TMPRSS11A: variants seen among roughly 807,000 people sequenced by gnomAD.
TMPRSS11A encodes the protein transmembrane serine protease 11A, also known as transmembrane protease serine 11A.
Under a neutral mutation model 58.9 loss-of-function variants are expected in TMPRSS11A, and 53 were observed. The ratio of observed to expected loss-of-function variants is 0.90; its 90% CI spans 0.72 to 1.13. TMPRSS11A has a LOEUF of 1.13. TMPRSS11A is among the 50% of genes most tolerant of loss of function. The pLI is 0.00. For missense variants in TMPRSS11A, 493 were observed against 499.3 expected (o/e 0.99, Z 0.12); for synonymous variants, 167 against 169.8 (o/e 0.98, Z 0.13).
intron 7 of TMPRSS11A, among the ~76,000 whole-genome samples, chr4:67,919,634 A>G (rs997261020): frequency 3.3e-5 from 5 of 152,248 alleles, no homozygotes; most frequent in Non-Finnish European, 5.9e-5. Context: ...GCAAGCAAAC[A>G]AATAGATAAA....
chr4:67,959,922 C>G (rs1721383458), intron 1 of TMPRSS11A, among the ~76,000 whole-genome samples: 1 of 152,148 alleles, frequency 6.6e-6, no homozygotes, highest in Admixed American at 6.5e-5. Flanking sequence ...AGCCTAGGTG[C>G]CCATCAATAG....
At chr4:67,933,381 C>T (rs553728609) in intron 3 of TMPRSS11A, among the ~76,000 whole-genome samples, 111 of 152,246 alleles carry the variant, frequency 7.3e-4, no homozygotes, top group South Asian at 1.7e-3. Flanking sequence ...GTAGGGTCCG[C>T]CTCTTCCCAC....
At chr4:67,938,792 T>C (rs1720811481) in intron 3 of TMPRSS11A, among the ~76,000 whole-genome samples, 1 of 152,172 alleles carries the variant, frequency 6.6e-6, no homozygotes, top group Admixed American at 6.5e-5. Flanking sequence ...ACCAATGCCA[T>C]TCTGTTTTGA....
intron 3 of TMPRSS11A, among the ~76,000 whole-genome samples, chr4:67,935,121 A>C (rs1467369657): frequency 6.6e-6 from 1 of 152,200 alleles, no homozygotes; most frequent in Non-Finnish European, 1.5e-5. Flanking sequence ...TTAGCCTTAA[A>C]TAAAGCTTCA....
chr4:67,955,514 C>G (rs1385103991), intron 1 of TMPRSS11A, among the ~76,000 whole-genome samples: 1 of 152,184 alleles, frequency 6.6e-6, no homozygotes, highest in African/African-American at 2.4e-5. Context: ...TATTCAAATG[C>G]CTGTGTCAGG....
At chr4:67,962,621 T>C (rs981502442) in intron 1 of TMPRSS11A, among the ~76,000 whole-genome samples, 2 of 152,178 alleles carry the variant, frequency 1.3e-5, no homozygotes, top group Non-Finnish European at 2.9e-5. Context: ...ATAACATACA[T>C]AAAGATGTTT....
chr4:67,922,109 G>A (rs1720345959), intron 7 of TMPRSS11A, among the ~76,000 whole-genome samples: 1 of 152,188 alleles, frequency 6.6e-6, no homozygotes, highest in African/African-American at 2.4e-5. Context: ...CTATTGTGAA[G>A]AGATGCTCTA....
Position 67,944,379 on chromosome 4 carries a change from T to C in TMPRSS11A, c.252+140A>G, listed in dbSNP as rs369994123. The C allele has an allele frequency of 4.1e-5, 38 of 933,058 alleles. No homozygotes were observed. In the African/African-American group the frequency reaches 5.4e-4, roughly 13 times the overall value. The allele number at this position is 933,058 out of a possible 1,614,324, so 57.8% of individuals were successfully genotyped here. On this transcript the variant is annotated intron_variant, in intron 3 of 9. Coordinates refer to ENST00000508048, the MANE Select transcript of TMPRSS11A (RefSeq NM_001114387.2). ...TCTCATCATACTCTGATTAAGCAGG[T>C]CTGGGATGGGGCCTAGCAATCTGCA...
At chr4:67,937,612 C>T (rs1720782562) in intron 3 of TMPRSS11A, among the ~76,000 whole-genome samples, 2 of 152,144 alleles carry the variant, frequency 1.3e-5, no homozygotes, top group South Asian at 4.1e-4. Flanking sequence ...CCATCATTTT[C>T]CAGCTATGGA....
chr4:67,958,375 A>G (rs529430668), intron 1 of TMPRSS11A, among the ~76,000 whole-genome samples: 2 of 152,356 alleles, frequency 1.3e-5, no homozygotes, highest in South Asian at 2.1e-4. Flanking sequence ...GCCCAAGGCC[A>G]TGGGAACCCA....
intron 4 of TMPRSS11A, among the ~76,000 whole-genome samples, chr4:67,931,616 G>T (rs1387495498): frequency 6.6e-6 from 1 of 152,154 alleles, no homozygotes; most frequent in Non-Finnish European, 1.5e-5. Context: ...GCTTAACGTG[G>T]TTGAAATAAT....
At chr4:67,918,621 G>A (rs1431418427) in intron 8 of TMPRSS11A, among the ~76,000 whole-genome samples, 2 of 152,120 alleles carry the variant, frequency 1.3e-5, no homozygotes, top group African/African-American at 4.8e-5. Flanking sequence ...CTGACACTAG[G>A]TGAAGCTAGC....
At chr4:67,945,330 AC>A (rs1159760807) in intron 2 of TMPRSS11A, among the ~76,000 whole-genome samples, 1 of 152,190 alleles carries the variant, frequency 6.6e-6, no homozygotes, top group Non-Finnish European at 1.5e-5. Flanking sequence ...TGGGAAAAAT[AC>A]AAAACAACCT....
chr4:67,957,253 C>A (rs577789059), intron 1 of TMPRSS11A, among the ~76,000 whole-genome samples: 1 of 152,114 alleles, frequency 6.6e-6, no homozygotes, highest in Non-Finnish European at 1.5e-5. Context: ...AACTTTGGAA[C>A]TGGGTAATAT....
intron 3 of TMPRSS11A, among the ~76,000 whole-genome samples, chr4:67,934,114 C>A (rs867257713): frequency 6.6e-6 from 1 of 152,160 alleles, no homozygotes; most frequent in Middle Eastern, 3.4e-3. Flanking sequence ...AAAAAGGATC[C>A]TTCTTTATAA....
At chr4:67,914,511 T>C in intron 9 of TMPRSS11A, 77 bp downstream of exon 9, 1 of 1,360,874 alleles carries the variant, frequency 7.3e-7, no homozygotes, top group Non-Finnish European at 1.0e-6. Context: ...TTTGTCCTTA[T>C]GTAAAGAACA....
chr4:67,960,851 T>C, intron 1 of TMPRSS11A, among the ~76,000 whole-genome samples: 1 of 152,242 alleles, frequency 6.6e-6, no homozygotes, highest in East Asian at 1.9e-4. Flanking sequence ...TCTGATTTTT[T>C]GCATTTATTA....
At chr4:67,953,187 C>G (rs1166521224) in intron 1 of TMPRSS11A, among the ~76,000 whole-genome samples, 1 of 152,162 alleles carries the variant, frequency 6.6e-6, no homozygotes, top group Non-Finnish European at 1.5e-5. Flanking sequence ...TGCTCACCTC[C>G]TGCTGTGCTG....
chr4:67,960,916 C>G (rs1029660592), intron 1 of TMPRSS11A, among the ~76,000 whole-genome samples: 8 of 152,286 alleles, frequency 5.3e-5, no homozygotes, highest in Non-Finnish European at 1.2e-4. Context: ...CTTCTGGGAA[C>G]AGGATAAGAA....
Sources: allele counts gnomAD v4.1 joint callset (sites outside exome capture counted in the v4.1 genomes callset), GRCh38; gene constraint gnomAD v4.1.1; transcripts MANE v1.5; gene names NCBI Gene and HGNC (gene_info 2026-07-23, HGNC 2026-07-21).